The following NRXN1 variants were observed in gnomAD, a reference collection of about 807,000 sequenced individuals.
The protein encoded by NRXN1 is neurexin-1.
In NRXN1, 39 loss-of-function variants were observed where a neutral mutation model predicts 150.9. That is an observed-to-expected ratio of 0.26 (90% CI 0.20 to 0.34). NRXN1 has a LOEUF of 0.34. Ranked by LOEUF, NRXN1 falls within the 10% of genes least tolerant of loss-of-function variation. The pLI is 1.00. For missense variants in NRXN1, 1,815 were observed against 1,949.9 expected (o/e 0.93, Z 1.30); for synonymous variants, 924 against 757.0 (o/e 1.22, Z -3.62).
At chr2:50,523,245 C>T (rs202181647) in intron 12 of NRXN1, among the ~76,000 whole-genome samples, 17 of 152,156 alleles carry the variant, frequency 1.1e-4, no homozygotes, top group Admixed American at 3.9e-4. Flanking sequence ...CAAAAAACAA[C>T]GAGACTTCTG....
intron 17 of NRXN1, among the ~76,000 whole-genome samples, chr2:50,393,751 T>A (rs190364976): frequency 3.3e-5 from 5 of 152,222 alleles, no homozygotes; most frequent in Admixed American, 3.3e-4. Context: ...TCTCCCTACA[T>A]GAGAATCTGG....
chr2:50,850,115 T>G lies in NRXN1; in HGVS notation c.832+71754A>C, dbSNP rs540552502. 6.1e-4 allele frequency among the ~76,000 whole-genome samples: 92 copies of G among 151,278 alleles called. 1 individual carries two copies. The highest frequency in any genetic ancestry group is 2.9e-3 in the South Asian group (14 of 4,798). ...TATATGCACCTGTGGTCCCAGCCACTGGAGAGGCTGAGGCAGGCAGTAGGA... is the reference window on the plus strand; with the variant it reads ...TATATGCACCTGTGGTCCCAGCCACGGGAGAGGCTGAGGCAGGCAGTAGGA... On this transcript the variant is annotated intron_variant, in intron 5 of 22. Transcript: ENST00000401669.
chr2:50,679,587 G>C (rs2216789), intron 5 of NRXN1, among the ~76,000 whole-genome samples: 7 of 151,860 alleles, frequency 4.6e-5, no homozygotes, highest in African/African-American at 1.7e-4. Context: ...CTATTGACAT[G>C]GATCATTGAT....
At chr2:50,298,275 T>G (rs1200222441) in intron 17 of NRXN1, among the ~76,000 whole-genome samples, 1 of 152,102 alleles carries the variant, frequency 6.6e-6, no homozygotes, top group African/African-American at 2.4e-5. Flanking sequence ...GGAATAAAAT[T>G]AACACAAATT....
At chr2:50,011,565 A>T (rs1462868338) in intron 21 of NRXN1, among the ~76,000 whole-genome samples, 1 of 152,066 alleles carries the variant, frequency 6.6e-6, no homozygotes, top group Non-Finnish European at 1.5e-5. Context: ...ACCTAAGAAA[A>T]ATGGAGCCCA....
At chr2:50,604,674 C>G (rs1676811454) in intron 8 of NRXN1, among the ~76,000 whole-genome samples, 1 of 152,120 alleles carries the variant, frequency 6.6e-6, no homozygotes, top group South Asian at 2.1e-4. Flanking sequence ...CAAATGTTAC[C>G]TCCTTGGGAA....
rs116331081 is a variant in NRXN1 at position 50,538,177 on chromosome 2, T to C, written c.2143+76A>G. The C allele has an allele frequency of 1.3e-3, 2,005 of 1,490,970 alleles. 31 individuals carry two copies. In the African/African-American group the frequency reaches 0.026, roughly 19 times the overall value. 92.4% of individuals were successfully genotyped at this position (1,490,970 alleles called of 1,614,324 possible). A position where few individuals can be genotyped will look rare whatever the true frequency, so the allele number is the denominator to read the frequency against. On this transcript the variant is annotated intron_variant, in intron 10 of 22. Coordinates refer to ENST00000401669, the MANE Select transcript of NRXN1 (RefSeq NM_001330078.2). ...TAGAGTATACATTACGTTTCAATGG[T>C]CAGTGCAGGTTTGAGGTCAACATTT...
At position 49,974,518 on chromosome 2, in the gene NRXN1, T is replaced by C. The variant is rs77813857; in HGVS notation, c.4129-30727A>G. Among the ~76,000 whole-genome samples, 933 of 152,292 alleles carry C rather than the reference T, an allele frequency of 6.1e-3. 8 individuals are homozygous for C. The highest frequency in any genetic ancestry group is 0.021 in the African/African-American group (873 of 41,562). On this transcript the variant is annotated intron_variant, in intron 21 of 22. Coordinates refer to ENST00000401669, the MANE Select transcript of NRXN1 (RefSeq NM_001330078.2). The stretch of plus-strand genomic sequence containing the variant: ...TTTTTTTTCCCCAGCCCTTAAACTG[T>C]TATGTGTTTTTCTTGAGATAATTAT...
chr2:50,274,660 G>A (rs2070194451), intron 17 of NRXN1, among the ~76,000 whole-genome samples: 1 of 152,160 alleles, frequency 6.6e-6, no homozygotes, highest in Admixed American at 6.5e-5. Flanking sequence ...AATATAAAAT[G>A]TATCTCAAAC....
At chr2:50,350,452 G>C (rs887661208) in intron 17 of NRXN1, among the ~76,000 whole-genome samples, 1 of 152,132 alleles carries the variant, frequency 6.6e-6, no homozygotes, top group East Asian at 1.9e-4. Context: ...AAACAAGAAG[G>C]AAGCCAATAG....
chr2:50,578,251 G>A (rs1671733438), intron 8 of NRXN1, among the ~76,000 whole-genome samples: 1 of 152,030 alleles, frequency 6.6e-6, no homozygotes, highest in Non-Finnish European at 1.5e-5. Flanking sequence ...CACTCTTTTT[G>A]ATTTGTTCAT....
At chr2:50,674,648 G>A (rs548096579) in intron 5 of NRXN1, among the ~76,000 whole-genome samples, 1 of 152,190 alleles carries the variant, frequency 6.6e-6, no homozygotes, top group African/African-American at 2.4e-5. Flanking sequence ...GTGTTTGGGA[G>A]TAGAAAGGGC....
intron 17 of NRXN1, among the ~76,000 whole-genome samples, chr2:50,420,033 A>G (rs923831476): frequency 2.0e-5 from 3 of 152,088 alleles, no homozygotes; most frequent in African/African-American, 7.2e-5. Flanking sequence ...GCAGAGATAA[A>G]GAGGATTTGG....
At chr2:50,998,041 T>C (rs1699557031) in intron 2 of NRXN1, among the ~76,000 whole-genome samples, 1 of 141,030 alleles carries the variant, frequency 7.1e-6, no homozygotes, top group Non-Finnish European at 1.5e-5. Flanking sequence ...AGAAATAGGG[T>C]CAATGTCAAC....
At chr2:50,910,742 T>C (rs1433224222) in intron 5 of NRXN1, among the ~76,000 whole-genome samples, 1 of 151,946 alleles carries the variant, frequency 6.6e-6, no homozygotes, top group Admixed American at 6.6e-5. Context: ...AATCCACCTT[T>C]CCTAGTTTGG....
chr2:50,954,215 TTTC>T (rs1228200802), intron 2 of NRXN1, among the ~76,000 whole-genome samples: 1 of 152,194 alleles, frequency 6.6e-6, no homozygotes, highest in Non-Finnish European at 1.5e-5. Flanking sequence ...CTCAGGATGT[TTTC>T]TTTCTTCAAA....
intron 2 of NRXN1, among the ~76,000 whole-genome samples, chr2:51,006,719 A>T (rs377073226): frequency 6.6e-6 from 1 of 151,878 alleles, no homozygotes; most frequent in African/African-American, 2.4e-5. Context: ...CCACTTTTCA[A>T]CATCTTGCCT....
intron 21 of NRXN1, among the ~76,000 whole-genome samples, chr2:49,991,179 G>A (rs80318232): frequency 0.097 from 14,755 of 152,054 alleles, 769 homozygotes; most frequent in Middle Eastern, 0.21. Flanking sequence ...AACAAGACAA[G>A]GATATCTCCC....
chr2:50,258,587 A>G (rs1465742824), intron 17 of NRXN1, among the ~76,000 whole-genome samples: 1 of 151,950 alleles, frequency 6.6e-6, no homozygotes, highest in African/African-American at 2.4e-5. Flanking sequence ...ATTTCTTCCA[A>G]ATTCCTATTA....
Sources: allele counts gnomAD v4.1 joint callset (sites outside exome capture counted in the v4.1 genomes callset), GRCh38; gene constraint gnomAD v4.1.1; transcripts MANE v1.5; gene names NCBI Gene and HGNC (gene_info 2026-07-23, HGNC 2026-07-21).